Variants in KMT2C observed in about 807,000 individuals in gnomAD.
KMT2C encodes histone-lysine N-methyltransferase 2C.
A neutral mutation model predicts 507.9 loss-of-function variants in KMT2C; 88 were observed. That is an observed-to-expected ratio of 0.17 (90% confidence interval 0.15 to 0.21). The LOEUF (loss-of-function observed/expected upper bound fraction) is 0.21. Among genes scored for constraint, KMT2C ranks in the 10% least tolerant of loss-of-function variants. The pLI is 1.00. For synonymous variants in KMT2C, 2,049 were observed against 2,080.8 expected, an observed-to-expected ratio of 0.98 and a Z score of 0.42; for missense variants, 4,954 against 5,957.8, an observed-to-expected ratio of 0.83 and a Z score of 5.55.
At chr7:152,311,725 G>T in intron 5 of KMT2C, 73 bp downstream of exon 5, 1 of 1,044,256 alleles carries the variant, frequency 9.6e-7, no homozygotes, top group South Asian at 2.0e-5. Context: ...TATTATTGAG[G>T]ACATTAATAA....
chr7:152,161,290 T>C (rs542545943), intron 43 of KMT2C, among the ~76,000 whole-genome samples: 1 of 152,178 alleles, frequency 6.6e-6, no homozygotes, highest in African/African-American at 2.4e-5. Context: ...TTAACAATCT[T>C]AAAATGAAAA....
intron 1 of KMT2C, among the ~76,000 whole-genome samples, chr7:152,363,561 C>T (rs1206936240): frequency 1.3e-5 from 2 of 152,000 alleles, no homozygotes; most frequent in African/African-American, 4.8e-5. Flanking sequence ...ACAGGTATGG[C>T]GAAGGGAACA....
At chr7:152,409,734 A>AAAAAT (rs144031964) in intron 1 of KMT2C, among the ~76,000 whole-genome samples, 317 of 149,168 alleles carry the variant, frequency 2.1e-3, no homozygotes, top group South Asian at 4.7e-3. Flanking sequence ...CCGTCTCAAA[A>AAAAAT]AAAATAAAAT....
intron 55 of KMT2C, among the ~76,000 whole-genome samples, chr7:152,143,007 C>A (rs1486081310): frequency 6.6e-6 from 1 of 152,108 alleles, no homozygotes; most frequent in African/African-American, 2.4e-5. Flanking sequence ...CTCAAAAATG[C>A]TTCAGGTTAA....
intron 3 of KMT2C, among the ~76,000 whole-genome samples, chr7:152,320,271 T>C (rs1366672973): frequency 1.3e-5 from 2 of 152,128 alleles, no homozygotes; most frequent in Non-Finnish European, 2.9e-5. Context: ...TTTTTTGAGA[T>C]GGAGTCTCAC....
chr7:152,184,970 G>C (rs2093577451), intron 34 of KMT2C, among the ~76,000 whole-genome samples: 1 of 152,082 alleles, frequency 6.6e-6, no homozygotes. Flanking sequence ...TGCCCAGGCT[G>C]GTCTTGAACT....
At chr7:152,251,845 A>G (rs915260096) in intron 11 of KMT2C, 94 bp downstream of exon 11, 1 of 756,234 alleles carries the variant, frequency 1.3e-6, no homozygotes, top group African/African-American at 1.8e-5. Flanking sequence ...GGAATACAGG[A>G]TCCTCTCTTC....
chr7:152,409,010 CAG>C (rs966337873), intron 1 of KMT2C, among the ~76,000 whole-genome samples: 30 of 150,766 alleles, frequency 2.0e-4, no homozygotes, highest in African/African-American at 6.6e-4. Context: ...TTTTTTGAGA[CAG>C]AGTTTCCCTC....
chr7:152,178,782 G>A (rs527291731), intron 37 of KMT2C, among the ~76,000 whole-genome samples: 11 of 152,066 alleles, frequency 7.2e-5, no homozygotes, highest in Admixed American at 1.3e-4. Context: ...TGGAGGTAGA[G>A]ATATAAGACT....
At chr7:152,370,614 G>A (rs1306860626) in intron 1 of KMT2C, among the ~76,000 whole-genome samples, 1 of 152,104 alleles carries the variant, frequency 6.6e-6, no homozygotes, top group Non-Finnish European at 1.5e-5. Flanking sequence ...AAATCATCAA[G>A]AATATATTAG....
chr7:152,407,768 T>TATTGGTCTAGAAGTTGA (rs2097633520), intron 1 of KMT2C, among the ~76,000 whole-genome samples: 2 of 152,294 alleles, frequency 1.3e-5, no homozygotes, highest in Non-Finnish European at 2.9e-5. Flanking sequence ...TTACATTTTG[T>TATTGGTCTAGAAGTTGA]ATTGGTCTAG....
rs1377843003 is a variant in KMT2C, at chr7:152,181,319, G to C, written c.6541C>G (p.Pro2181Ala). 1.2e-6 allele frequency: 2 copies of C among 1,613,808 alleles called. No individual in the cohort carries two copies. Among genetic ancestry groups the C allele is most frequent in the Non-Finnish European group, 1.7e-6 (2 of 1,180,008 alleles). Residue 2181 changes from proline to alanine, a missense_variant, in exon 36 of 59, where the codon CCA becomes GCA. Around this residue, in one of 29 missense-constraint regions of KMT2C, gnomAD observed 1,689 missense variants for 1,654.3 expected, o/e 1.02. Coordinates refer to ENST00000262189, the MANE Select transcript of KMT2C (RefSeq NM_170606.3). ...AAGTCAGTTTGTGTAGATGGTCTTG[G>C]GGTTTGGGGCTGCTGACTATATGGG... ...VDPYSQQPQTPRPSTQTDLFV... is the reference protein window; with the variant it reads ...VDPYSQQPQTARPSTQTDLFV...
rs909080368 is a variant in KMT2C at position 152,135,369 on chromosome 7, T to G, written c.*1463A>C. The G allele has an allele frequency of 4.6e-6, 1 of 216,674 alleles. No individual in the cohort carries two copies. The highest frequency in any genetic ancestry group is 2.3e-5 in the African/African-American group (1 of 44,386). The allele number at this position is 216,674 out of a possible 1,614,324, so 13.4% of individuals were successfully genotyped here. ...AGCTAACCTGGTTCAAAATGCTGAT[T>G]AAGTTTCTACAAGCAAACACAAAAC... On this transcript the variant is annotated 3_prime_UTR_variant, in exon 59 of 59. Coordinates refer to ENST00000262189, the MANE Select transcript of KMT2C (RefSeq NM_170606.3).
At chr7:152,368,441 A>C in intron 1 of KMT2C, 2 of 1,167,676 alleles carry the variant, frequency 1.7e-6, no homozygotes, top group Non-Finnish European at 1.3e-6. Flanking sequence ...TTAGAGATGA[A>C]GGTCAAATAA....
chr7:152,307,248 AG>A (rs2096626791), intron 6 of KMT2C, among the ~76,000 whole-genome samples: 3 of 117,076 alleles, frequency 2.6e-5, no homozygotes, highest in African/African-American at 1.3e-4. Flanking sequence ...GAAGGAAGGA[AG>A]GACGGTAGGA....
chr7:152,262,869 G>C, intron 9 of KMT2C, 147 bp downstream of exon 9: 1 of 607,538 alleles, frequency 1.6e-6, no homozygotes. Flanking sequence ...AGAGTGTACA[G>C]TTTATTATAT....
chr7:152,324,662 G>A (rs1033848979), intron 3 of KMT2C, among the ~76,000 whole-genome samples: 2 of 151,838 alleles, frequency 1.3e-5, no homozygotes, highest in African/African-American at 4.8e-5. Flanking sequence ...TCATTTTCTA[G>A]AAGAAACCCC....
intron 6 of KMT2C, among the ~76,000 whole-genome samples, chr7:152,288,531 A>G (rs1455274319): frequency 6.6e-6 from 1 of 151,228 alleles, no homozygotes; most frequent in Non-Finnish European, 1.5e-5. Flanking sequence ...AAACTCTGAC[A>G]ATAAATAAAT....
intron 23 of KMT2C, among the ~76,000 whole-genome samples, chr7:152,218,131 A>G (rs1381959335): frequency 1.3e-5 from 2 of 152,176 alleles, no homozygotes; most frequent in African/African-American, 4.8e-5. Context: ...ACAAAACAAA[A>G]ATTATCAAGA....
Sources: allele counts gnomAD v4.1 joint callset (sites outside exome capture counted in the v4.1 genomes callset), GRCh38; gene constraint gnomAD v4.1.1; regional missense constraint gnomAD v4.1.1; transcripts MANE v1.5; gene names NCBI Gene and HGNC (gene_info 2026-07-23, HGNC 2026-07-21).